QRICH2: variants seen among roughly 807,000 people sequenced by gnomAD.
QRICH2 encodes the protein glutamine-rich protein 2.
Under a neutral mutation model 168.3 loss-of-function variants are expected in QRICH2, and 119 were observed. The ratio of observed to expected loss-of-function variants is 0.71; its 90% CI spans 0.61 to 0.82. The LOEUF is 0.82. Among genes scored for constraint, QRICH2 ranks in the 40% least tolerant of loss-of-function variants. The pLI is 0.00. For missense variants in QRICH2, 2,241 were observed against 2,491.6 expected (o/e 0.90, Z 2.14); for synonymous variants, 894 against 951.2 (o/e 0.94, Z 1.11).
At position 76,303,777 on chromosome 17, in the gene QRICH2, A is replaced by G. The variant is rs567951476; in HGVS notation, c.705+638T>C. The stretch of plus-strand genomic sequence containing the variant: ...AGTCCCAGCTACTCTGGAGGCTGAG[A>G]CAGGAGAATGGCGTGAACCCGGGAG... On this transcript the variant is annotated intron_variant, in intron 3 of 18. Coordinates refer to ENST00000680821, the MANE Select transcript of QRICH2 (RefSeq NM_001388453.1). Among the ~76,000 whole-genome samples, 6 of 151,124 alleles carry G rather than the reference A, an allele frequency of 4.0e-5. No individual in the cohort carries two copies. In the East Asian group the frequency reaches 1.2e-3, roughly 30 times the overall value.
chr17:76,284,594 G>A (rs1432085271), intron 7 of QRICH2, among the ~76,000 whole-genome samples: 2 of 151,724 alleles, frequency 1.3e-5, no homozygotes, highest in African/African-American at 4.9e-5. Context: ...CGAGGCGGGT[G>A]GATCACGAGG....
chr17:76,305,708 C>A (rs16967297), intron 1 of QRICH2, among the ~76,000 whole-genome samples: 2,893 of 152,266 alleles, frequency 0.019, 101 homozygotes, highest in African/African-American at 0.066. Flanking sequence ...AGTAGCTGAA[C>A]ATCTGTGCTA....
Position 76,297,870 on chromosome 17 carries a change from G to GTTTTTTTTT in QRICH2, c.706-3858_706-3850dup, listed in dbSNP as rs1169251679. Among the ~76,000 whole-genome samples the GTTTTTTTTT allele has an allele frequency of 3.9e-3, 309 of 79,482 alleles. 23 individuals are homozygous for GTTTTTTTTT. Among genetic ancestry groups the GTTTTTTTTT allele is most frequent in the African/African-American group, 0.011 (205 of 18,480 alleles). The allele number at this position is 79,482 out of a possible 152,430, so 52.1% of individuals were successfully genotyped here. A position where few individuals can be genotyped will look rare whatever the true frequency, so the allele number is the denominator to read the frequency against. ...AGTAGCTAGGACTACTTAGGAATCT[G>GTTTTTTTTT]TTTTTTTTTTTTTTTTTTTTTTTTT... is the stretch of plus-strand genomic sequence containing the variant. On this transcript the variant is annotated intron_variant, in intron 3 of 18. Coordinates refer to ENST00000680821, the MANE Select transcript of QRICH2 (RefSeq NM_001388453.1).
rs1391568519 is a variant in QRICH2, at chr17:76,303,596, C to T, written c.705+819G>A. On this transcript the variant is annotated intron_variant, in intron 3 of 18. Coordinates refer to ENST00000680821, the MANE Select transcript of QRICH2 (RefSeq NM_001388453.1). ...GCAAAAGTCGCCACCAGCGGCCGGG[C>T]GCGGTGGCTCACGCCTGTAATCCCA... 2.0e-5 allele frequency among the ~76,000 whole-genome samples: 3 copies of T among 152,118 alleles called. No homozygotes were observed. The South Asian group carries it at 6.3e-4, about 32-fold the overall frequency.
intron 3 of QRICH2, among the ~76,000 whole-genome samples, chr17:76,300,282 G>T (rs948792558): frequency 9.9e-5 from 15 of 152,058 alleles, no homozygotes; most frequent in Non-Finnish European, 1.8e-4. Context: ...AAGCATGTGC[G>T]TTTGATTACT....
chr17:76,298,636 GAC>G (rs898381059), intron 3 of QRICH2, among the ~76,000 whole-genome samples: 6 of 151,926 alleles, frequency 3.9e-5, no homozygotes, highest in Non-Finnish European at 8.8e-5. Flanking sequence ...TTTTTTTTAA[GAC>G]AGAGTCTCGC....
chr17:76,292,308 C>T lies in QRICH2; in HGVS notation c.2419G>A (p.Val807Ile). Residue 807 changes from valine to isoleucine, a missense_variant, in exon 4 of 19, where the codon GTT becomes ATT. This residue lies in a region of QRICH2 where 2,047 missense variants were observed against 2,303.8 expected (regional missense o/e 0.89). Coordinates refer to ENST00000680821, the MANE Select transcript of QRICH2 (RefSeq NM_001388453.1). ...CCAGGTTGCACCAAACCACGCTGAA[C>T]TGCACCAGGTTGCACCAAACCACGC... ...VQRGLVQPGA[V>I]QRGLVQPGAV... 1 of 1,599,746 alleles carries T rather than the reference C, an allele frequency of 6.3e-7. No homozygotes were observed. The highest frequency in any genetic ancestry group is 8.5e-7 in the Non-Finnish European group (1 of 1,173,084).
At position 76,293,809 on chromosome 17, in the gene QRICH2, G is replaced by A; in HGVS notation, c.918C>T (p.Val306=). 6.2e-7 allele frequency: 1 copy of A among 1,614,018 alleles called. No individual in the cohort carries two copies. Among genetic ancestry groups the A allele is most frequent in the Non-Finnish European group, 8.5e-7 (1 of 1,179,974 alleles). ...GCTGCTGTCTCCCAGTACCAGAGGGGACCTTGCTTTGTTCCCTACTGGAAA... is the reference window on the plus strand; with the variant it reads ...GCTGCTGTCTCCCAGTACCAGAGGGAACCTTGCTTTGTTCCCTACTGGAAA... ...DGVSSREQSK[V]PSGTGRQQQP... Residue 306 remains valine, a synonymous_variant, in exon 4 of 19, where the codon GTC becomes GTT. Transcript: ENST00000680821.
intron 7 of QRICH2, among the ~76,000 whole-genome samples, chr17:76,284,169 A>G: frequency 2.0e-5 from 1 of 49,728 alleles, no homozygotes; most frequent in South Asian, 8.0e-4. Context: ...CTCTGTCTCC[A>G]AAAAAAAAAA....
upstream of QRICH2, chr17:76,308,487 T>C: frequency 1.0e-6 from 1 of 985,354 alleles, no homozygotes; most frequent in Non-Finnish European, 1.2e-6. Flanking sequence ...CGGGGCCACA[T>C]AAGGAAAGAC....
chr17:76,291,466 G>A lies in QRICH2; in HGVS notation c.3261C>T (p.Asp1087=), dbSNP rs2070990040. Residue 1087 remains aspartate (D), a synonymous_variant, in exon 4 of 19, where the codon GAC becomes GAT. Coordinates refer to ENST00000680821, the MANE Select transcript of QRICH2 (RefSeq NM_001388453.1). ...GCTGAGCTGCATCTGGGTATACCTGGTCATGCTCACCTGGGCCAGGTGATG... is the reference window on the plus strand; with the variant it reads ...GCTGAGCTGCATCTGGGTATACCTGATCATGCTCACCTGGGCCAGGTGATG... ...HVASPGPGEH[D]QVYPDAAQHG... The A allele has an allele frequency of 6.2e-7, 1 of 1,614,110 alleles. No homozygotes were observed. Among genetic ancestry groups the A allele is most frequent in the South Asian group, 1.1e-5 (1 of 91,084 alleles).
rs755805804 is a variant in QRICH2, at chr17:76,277,989, C to T, written c.5117G>A (p.Arg1706Gln). ...ATGGCCTCGCCCGCCTCTCCTGTAC[C>T]GTTTGTAGCAGGGGGAGCCCAGGCA... is the stretch of plus-strand genomic sequence containing the variant. ...AQCLGSPCYK[R>Q]VTDMADYTYS... The change falls in exon 15 of 19, where the codon CGG (arginine) becomes CAG (glutamine). Residue 1706 changes from arginine to glutamine, a missense_variant and splice_region_variant. By Grantham distance (43) the Arg-to-Gln change is conservative. This residue lies in a region of QRICH2 where 2,047 missense variants were observed against 2,303.8 expected (regional missense o/e 0.89). Transcript: ENST00000680821. 8 of 1,610,718 alleles carry T rather than the reference C, an allele frequency of 5.0e-6. No homozygotes were observed. Among genetic ancestry groups the T allele is most frequent in the Admixed American group, 1.7e-5 (1 of 60,030 alleles).
chr17:76,303,253 A>G lies in QRICH2; in HGVS notation c.705+1162T>C, dbSNP rs1021910276. Among the ~76,000 whole-genome samples the G allele has an allele frequency of 3.9e-5, 6 of 152,190 alleles. No individual in the cohort carries two copies. The East Asian group carries it at 9.7e-4, about 25-fold the overall frequency. On this transcript the variant is annotated intron_variant, in intron 3 of 18. Coordinates refer to ENST00000680821, the MANE Select transcript of QRICH2 (RefSeq NM_001388453.1). ...CCCTGAAATCAGAAAATGGTCCTGG[A>G]GATCCCAGGTTGTTTTTTGTACCCA...
chr17:76,292,998 G>A lies in QRICH2; in HGVS notation c.1729C>T (p.Gln577Ter). 1 of 1,614,266 alleles carries A rather than the reference G, an allele frequency of 6.2e-7. No homozygotes were observed. Among genetic ancestry groups the A allele is most frequent in the Non-Finnish European group, 8.5e-7 (1 of 1,180,046 alleles). Residue 577 changes from glutamine (Q) to a stop codon, truncating the protein, a stop_gained, in exon 4 of 19, where the codon CAG becomes TAG. Coordinates refer to ENST00000680821, the MANE Select transcript of QRICH2 (RefSeq NM_001388453.1). LOFTEE classifies it high-confidence loss of function. ...GCACCACGCTGCACCAAAGCACGCT[G>A]AAATCTGCCAGACTGGATCAAATCA... is the stretch of plus-strand genomic sequence containing the variant. ...QHDLIQSGRFQRALVQRGAYQ... is the reference protein window; with the variant it reads ...QHDLIQSGRF
At position 76,307,567 on chromosome 17, in the gene QRICH2, C is replaced by T. The variant is rs975345704; in HGVS notation, c.432G>A (p.Ala144=). 1 of 1,578,748 alleles carries T rather than the reference C, an allele frequency of 6.3e-7. No individual in the cohort carries two copies. Among genetic ancestry groups the T allele is most frequent in the Non-Finnish European group, 8.6e-7 (1 of 1,162,566 alleles). Residue 144 remains alanine (A), a synonymous_variant, in exon 1 of 19, where the codon GCG becomes GCA. Transcript: ENST00000680821. This position sits in a 1 kb window ranked among gnomAD's most constrained non-coding sequence, Gnocchi z 5.3. ...FSQASGLDLA[A]LEWPEEQEVG... is the part of the protein sequence containing the mutation. ...CCTCCTGCTCCTCCGGCCACTCTAG[C>T]GCGGCCAGGTCAAGCCCGCTGGCCT...
chr17:76,304,586 A>AG, intron 2 of QRICH2, 61 bp from the exon 3 acceptor site: 1 of 1,244,282 alleles, frequency 8.0e-7, no homozygotes, highest in Non-Finnish European at 1.2e-6. Context: ...CAGCTTTAGG[A>AG]ACAGACTTGG....
chr17:76,301,141 C>T (rs561125031), intron 3 of QRICH2, among the ~76,000 whole-genome samples: 1 of 152,144 alleles, frequency 6.6e-6, no homozygotes, highest in African/African-American at 2.4e-5. Context: ...CACTTGAGTC[C>T]AGGAGGTCGA....
In QRICH2 at chr17:76,307,093, C is replaced by G. The variant is rs114640370; in HGVS notation, c.534+372G>C. On this transcript the variant is annotated intron_variant, in intron 1 of 18. Transcript: ENST00000680821. The surrounding 1 kb of genome is among the most constrained non-coding windows in gnomAD (Gnocchi z 5.3). The stretch of plus-strand genomic sequence containing the variant: ...AGAAGTTGCCGGCCCCACTCTGAGC[C>G]AGCTCTGGGTCCTTGGATGTCTGAT... 5.7e-3 allele frequency among the ~76,000 whole-genome samples: 869 copies of G among 152,156 alleles called. 7 individuals are homozygous for G. Among genetic ancestry groups the G allele is most frequent in the African/African-American group, 0.02 (827 of 41,490 alleles).
intron 5 of QRICH2, among the ~76,000 whole-genome samples, chr17:76,288,726 A>C (rs1216716213): frequency 2.0e-5 from 3 of 151,942 alleles, no homozygotes; most frequent in African/African-American, 7.3e-5. Flanking sequence ...AAAAAGGAGA[A>C]TGTCTGAAGG....
Sources: allele counts gnomAD v4.1 joint callset (sites outside exome capture counted in the v4.1 genomes callset), GRCh38; gene constraint gnomAD v4.1.1; regional missense constraint gnomAD v4.1.1; non-coding constraint Gnocchi (gnomAD v3.1); transcripts MANE v1.5; gene names NCBI Gene and HGNC (gene_info 2026-07-23, HGNC 2026-07-21).